The following RASSF5 variants were observed in gnomAD, a reference collection of about 807,000 sequenced individuals.
RASSF5 encodes ras association domain-containing protein 5.
A neutral mutation model predicts 40.5 loss-of-function variants in RASSF5; 25 were observed. That is an observed-to-expected ratio of 0.62 (90% CI 0.45 to 0.86). The LOEUF (loss-of-function observed/expected upper bound fraction) is 0.86. RASSF5 is among the 40% of genes least tolerant of loss of function. The probability of loss-of-function intolerance (pLI) is 0.00; values close to 1 mark genes in which losing one functional copy is unlikely to be tolerated. For synonymous variants in RASSF5, 246 were observed against 252.4 expected, an observed-to-expected ratio of 0.97 and a Z score of 0.24; for missense variants, 521 against 572.8, an observed-to-expected ratio of 0.91 and a Z score of 0.92.
At chr1:206,573,480 G>C (rs1381706986) in intron 2 of RASSF5, among the ~76,000 whole-genome samples, 1 of 152,206 alleles carries the variant, frequency 6.6e-6, no homozygotes, top group Non-Finnish European at 1.5e-5. Context: ...ACAGGCACGG[G>C]TGCTTCTCTC....
At chr1:206,538,082 A>G in intron 1 of RASSF5, 90 bp from the exon 2 acceptor site, 2 of 1,564,588 alleles carry the variant, frequency 1.3e-6, no homozygotes, top group Non-Finnish European at 1.8e-6. Flanking sequence ...CCCACTGGGA[A>G]CTAATGCAAT....
At position 206,556,334 on chromosome 1, in the gene RASSF5, G is replaced by A. The variant is rs368370469; in HGVS notation, c.579+18041G>A. Among the ~76,000 whole-genome samples the A allele has an allele frequency of 1.2e-4, 18 of 152,320 alleles. No homozygotes were observed. In the East Asian group the frequency reaches 2.9e-3, roughly 24 times the overall value. On this transcript the variant is annotated intron_variant, in intron 2 of 5. Coordinates refer to ENST00000579436, the MANE Select transcript of RASSF5 (RefSeq NM_182663.4). ...CACAGTCTCTGTCTCAAGGCTATTG[G>A]AATGAGTCAATGATAGAGTGCACGT...
intron 2 of RASSF5, among the ~76,000 whole-genome samples, chr1:206,540,693 G>A (rs935862866): frequency 2.0e-5 from 3 of 152,196 alleles, no homozygotes; most frequent in African/African-American, 4.8e-5. Context: ...GCTCATTTCC[G>A]CCTTGGCTTG....
chr1:206,523,688 TTA>T (rs1161632190), intron 1 of RASSF5, among the ~76,000 whole-genome samples: 7 of 86,428 alleles, frequency 8.1e-5, no homozygotes, highest in Admixed American at 2.0e-4. Flanking sequence ...TATAAATATA[TTA>T]TATATAATAT....
chr1:206,512,957 G>C lies in RASSF5; in HGVS notation c.457+4898G>C, dbSNP rs534556958. Reference sequence around the variant, plus strand: ...GGATACAGGGATGCTTAGCTCAGCTGAAAGGGAATTACCTGGCCAGGAGTC... The same window carrying C: ...GGATACAGGGATGCTTAGCTCAGCTCAAAGGGAATTACCTGGCCAGGAGTC... On this transcript the variant is annotated intron_variant, in intron 1 of 5. Transcript: ENST00000579436. Among the ~76,000 whole-genome samples, 5 of 152,356 alleles carry C rather than the reference G, an allele frequency of 3.3e-5. No homozygotes were observed. In the South Asian group the frequency reaches 1.0e-3, roughly 32 times the overall value.
Position 206,520,101 on chromosome 1 carries a change from G to A in RASSF5, c.457+12042G>A, listed in dbSNP as rs538933904. 7.2e-4 allele frequency among the ~76,000 whole-genome samples: 109 copies of A among 152,276 alleles called. 1 individual carries two copies. The highest frequency in any genetic ancestry group is 9.9e-4 in the Non-Finnish European group (67 of 68,020). On this transcript the variant is annotated intron_variant, in intron 1 of 5. Coordinates refer to ENST00000579436, the MANE Select transcript of RASSF5 (RefSeq NM_182663.4). ...TAAGTAAAATCAATCAGGCCTGAAG[G>A]GGCAGCATTAAGGTCAGGGCACATA...
intron 2 of RASSF5, chr1:206,557,455 C>T: frequency 6.8e-7 from 1 of 1,470,686 alleles, no homozygotes. Flanking sequence ...CGGCTCGGGG[C>T]TCAGAGCTAG....
intron 1 of RASSF5, among the ~76,000 whole-genome samples, chr1:206,524,864 C>T (rs534077286): frequency 6.6e-6 from 1 of 150,758 alleles, no homozygotes; most frequent in Non-Finnish European, 1.5e-5. Context: ...CACACATACA[C>T]ACACACACTC....
chr1:206,587,280 C>T lies in RASSF5; in HGVS notation c.*302C>T. The stretch of plus-strand genomic sequence containing the variant: ...CCAACCAAATAGTTGCCTCTCTCGT[C>T]ACCAAACTGGAACCTCACACCAGCC... On this transcript the variant is annotated 3_prime_UTR_variant, in exon 6 of 6. Transcript: ENST00000579436. 2.7e-6 allele frequency: 1 copy of T among 374,708 alleles called. No homozygotes were observed. The highest frequency in any genetic ancestry group is 2.2e-5 in the South Asian group (1 of 44,548). The allele number at this position is 374,708 out of a possible 1,614,324, so 23.2% of individuals were successfully genotyped here.
At chr1:206,512,091 G>C (rs17046483) in intron 1 of RASSF5, among the ~76,000 whole-genome samples, 1 of 152,080 alleles carries the variant, frequency 6.6e-6, no homozygotes, top group Non-Finnish European at 1.5e-5. Context: ...ATTTAGCCCC[G>C]TGTTTGGCTT....
At chr1:206,518,421 G>C (rs1666818272) in intron 1 of RASSF5, 1 of 398,722 alleles carries the variant, frequency 2.5e-6, no homozygotes, top group Non-Finnish European at 4.4e-6. Context: ...GGCAACCGCT[G>C]CCTGCTTTGG....
At chr1:206,521,113 T>C (rs1484848752) in intron 1 of RASSF5, among the ~76,000 whole-genome samples, 2 of 152,186 alleles carry the variant, frequency 1.3e-5, no homozygotes, top group Non-Finnish European at 2.9e-5. Flanking sequence ...ACCGGGTATC[T>C]TTAGGAGCTA....
intron 2 of RASSF5, among the ~76,000 whole-genome samples, chr1:206,562,422 G>T (rs781961598): frequency 1.8e-4 from 27 of 152,192 alleles, no homozygotes; most frequent in Non-Finnish European, 3.4e-4. Flanking sequence ...TGTTTTTTAT[G>T]TGCTGTCTCA....
chr1:206,507,714 C>A lies in RASSF5; in HGVS notation c.112C>A (p.Pro38Thr). ...LSGPELPPPP[P>T]DRSSRLCVPA... Reference sequence around the variant, plus strand: ...CGGCCCCGAGCTACCGCCGCCGCCCCCCGACCGGTCCTCGCGCCTCTGTGT... The same window carrying A: ...CGGCCCCGAGCTACCGCCGCCGCCCACCGACCGGTCCTCGCGCCTCTGTGT... Residue 38 changes from proline to threonine, a missense_variant, in exon 1 of 6, where the codon CCC becomes ACC. Around this residue, in one of 2 missense-constraint regions of RASSF5, gnomAD observed 237 missense variants for 212.0 expected, o/e 1.12. Coordinates refer to ENST00000579436, the MANE Select transcript of RASSF5 (RefSeq NM_182663.4). 6.7e-7 allele frequency: 1 copy of A among 1,486,762 alleles called. No individual in the cohort carries two copies. Among genetic ancestry groups the A allele is most frequent in the Non-Finnish European group, 8.9e-7 (1 of 1,125,180 alleles). The allele number at this position is 1,486,762 out of a possible 1,614,324, so 92.1% of individuals were successfully genotyped here.
At chr1:206,540,892 G>A (rs1667529291) in intron 2 of RASSF5, among the ~76,000 whole-genome samples, 1 of 152,062 alleles carries the variant, frequency 6.6e-6, no homozygotes, top group African/African-American at 2.4e-5. Context: ...TCTCCTCTCT[G>A]ATATATATTT....
intron 2 of RASSF5, among the ~76,000 whole-genome samples, chr1:206,580,230 CTG>C (rs1553405992): frequency 6.6e-6 from 1 of 152,238 alleles, no homozygotes; most frequent in African/African-American, 2.4e-5. Flanking sequence ...TTGCTTCTCA[CTG>C]TATTCAAAAT....
chr1:206,516,309 T>C (rs1449821784), intron 1 of RASSF5, among the ~76,000 whole-genome samples: 3 of 152,180 alleles, frequency 2.0e-5, no homozygotes, highest in African/African-American at 7.2e-5. Flanking sequence ...GAAAGCCCCA[T>C]CTCCAGACTC....
rs1553402435 is a variant in RASSF5, at chr1:206,560,552, C to G, written c.579+22259C>G. Among the ~76,000 whole-genome samples, 1 of 152,206 alleles carries G rather than the reference C, an allele frequency of 6.6e-6. No homozygotes were observed. Among genetic ancestry groups the G allele is most frequent in the African/African-American group, 2.4e-5 (1 of 41,442 alleles). The stretch of plus-strand genomic sequence containing the variant: ...GGGGACTTGGTTTTGAATCATACCA[C>G]AGTTTTAGGAGGCTGAGGCAGTACT... On this transcript the variant is annotated intron_variant, in intron 2 of 5. Coordinates refer to ENST00000579436, the MANE Select transcript of RASSF5 (RefSeq NM_182663.4). This position sits in a 1 kb window ranked among gnomAD's most constrained non-coding sequence, Gnocchi z 5.1.
chr1:206,562,030 C>T (rs1167828169), intron 2 of RASSF5, among the ~76,000 whole-genome samples: 1 of 152,178 alleles, frequency 6.6e-6, no homozygotes, highest in Non-Finnish European at 1.5e-5. Flanking sequence ...TCTGCCTAGG[C>T]TTTCTTGGGT....
Sources: gnomAD v4.1 joint callset for allele counts (sites outside exome capture counted in the v4.1 genomes callset) on GRCh38, gnomAD v4.1.1 for gene constraint, gnomAD v4.1.1 regional missense constraint, Gnocchi (gnomAD v3.1) non-coding constraint, MANE v1.5 for transcripts, NCBI Gene and HGNC (gene_info 2026-07-23, HGNC 2026-07-21) for gene names.